INPP4B: variants seen among roughly 807,000 people sequenced by gnomAD.
INPP4B encodes inositol polyphosphate-4-phosphatase type II B.
INPP4B carries 55 observed loss-of-function variants against 122.5 expected under a neutral mutation model. The observed-to-expected ratio is 0.45, with a 90% CI of 0.36 to 0.56. The LOEUF is 0.56. Among genes scored for constraint, INPP4B ranks in the 20% least tolerant of loss-of-function variants. INPP4B has a pLI of 0.00. For synonymous variants in INPP4B, 403 were observed against 388.7 expected, an observed-to-expected ratio of 1.04 and a Z score of -0.43; for missense variants, 1,000 against 1,097.7, an observed-to-expected ratio of 0.91 and a Z score of 1.26.
chr4:142,631,358 C>T (rs1024485167), intron 2 of INPP4B, among the ~76,000 whole-genome samples: 1 of 151,824 alleles, frequency 6.6e-6, no homozygotes, highest in South Asian at 2.1e-4. Context: ...TATTTGGTAA[C>T]CCTGAAAATG....
chr4:142,254,102 C>T (rs187100279), intron 11 of INPP4B, among the ~76,000 whole-genome samples: 6,978 of 152,132 alleles, frequency 0.046, 311 homozygotes, highest in East Asian at 0.2. Context: ...CAGACTGACA[C>T]CTCACACGGC....
chr4:142,596,462 C>G (rs1033037896), intron 2 of INPP4B, among the ~76,000 whole-genome samples: 13 of 152,164 alleles, frequency 8.5e-5, no homozygotes, highest in Non-Finnish European at 1.6e-4. Context: ...TCAGCCCTAG[C>G]TGACCACCAG....
At chr4:142,467,552 T>C (rs1818026792) in intron 2 of INPP4B, among the ~76,000 whole-genome samples, 1 of 152,134 alleles carries the variant, frequency 6.6e-6, no homozygotes, top group Admixed American at 6.6e-5. Flanking sequence ...TTTTGTTTTT[T>C]GTTTTTTCAA....
chr4:142,824,766 G>C (rs1359816476), intron 1 of INPP4B, among the ~76,000 whole-genome samples: 1 of 150,490 alleles, frequency 6.6e-6, no homozygotes, highest in East Asian at 1.9e-4. Context: ...CTACTTTATA[G>C]AAATGAATTT....
chr4:142,518,442 AATT>A (rs1825684199), intron 2 of INPP4B, among the ~76,000 whole-genome samples: 1 of 152,160 alleles, frequency 6.6e-6, no homozygotes, highest in Non-Finnish European at 1.5e-5. Flanking sequence ...CCTGAATTAT[AATT>A]AAGATACAGC....
rs375318951 is a variant in INPP4B at position 142,173,586 on chromosome 4, T to C, written c.1359+46A>G. The C allele has an allele frequency of 4.2e-5, 64 of 1,517,318 alleles. No individual in the cohort carries two copies. In the African/African-American group the frequency reaches 8.2e-4, roughly 19 times the overall value. 94.0% of individuals were successfully genotyped at this position (1,517,318 alleles called of 1,614,324 possible). The stretch of plus-strand genomic sequence containing the variant: ...ATGCAGAAAGCCAGACCAATGGGAA[T>C]TTGAGTATTTCATTTTCCCAACTAT... On this transcript the variant is annotated intron_variant, in intron 16 of 25. Coordinates refer to ENST00000262992, the MANE Select transcript of INPP4B (RefSeq NM_001101669.3).
chr4:142,573,009 GA>G (rs577063172), intron 2 of INPP4B, among the ~76,000 whole-genome samples: 239 of 151,996 alleles, frequency 1.6e-3, no homozygotes, highest in African/African-American at 5.3e-3. Flanking sequence ...TTATGAAGAA[GA>G]GAGGTTAAAT....
At chr4:142,510,446 AAATTT>A (rs1404140293) in intron 2 of INPP4B, among the ~76,000 whole-genome samples, 3 of 152,234 alleles carry the variant, frequency 2.0e-5, no homozygotes, top group Non-Finnish European at 4.4e-5. Flanking sequence ...GAACAAACAT[AAATTT>A]AATTCACTTG....
At chr4:142,585,108 G>A (rs1384405407) in intron 2 of INPP4B, among the ~76,000 whole-genome samples, 2 of 152,098 alleles carry the variant, frequency 1.3e-5, no homozygotes, top group African/African-American at 4.8e-5. Flanking sequence ...TTGTTGTTGT[G>A]TGATATTGGT....
At chr4:142,639,280 A>C (rs536693050) in intron 2 of INPP4B, among the ~76,000 whole-genome samples, 1 of 152,336 alleles carries the variant, frequency 6.6e-6, no homozygotes, top group African/African-American at 2.4e-5. Flanking sequence ...ACCTAATAGA[A>C]TGAGTTAGAA....
intron 18 of INPP4B, among the ~76,000 whole-genome samples, chr4:142,142,059 A>C (rs1579057303): frequency 6.6e-6 from 1 of 152,214 alleles, no homozygotes. Context: ...ATCACTAACA[A>C]ATGATGCTGC....
intron 1 of INPP4B, among the ~76,000 whole-genome samples, chr4:142,813,781 A>G (rs1430064774): frequency 1.3e-5 from 2 of 152,176 alleles, no homozygotes; most frequent in African/African-American, 4.8e-5. Flanking sequence ...TAACTGATGT[A>G]ACCTCTTATC....
At chr4:142,589,236 G>T (rs1449183679) in intron 2 of INPP4B, among the ~76,000 whole-genome samples, 3 of 152,030 alleles carry the variant, frequency 2.0e-5, no homozygotes, top group Admixed American at 6.5e-5. Context: ...CCTTTTATTT[G>T]GTGGTGAGTT....
intron 9 of INPP4B, among the ~76,000 whole-genome samples, chr4:142,291,441 A>G (rs1464924591): frequency 6.6e-6 from 1 of 152,198 alleles, no homozygotes; most frequent in African/African-American, 2.4e-5. Context: ...GGTAATGTAC[A>G]CGGCCATCGA....
chr4:142,094,692 T>C (rs377660027), intron 23 of INPP4B, among the ~76,000 whole-genome samples: 3 of 152,088 alleles, frequency 2.0e-5, no homozygotes, highest in Non-Finnish European at 2.9e-5. Context: ...AGGAATTAAA[T>C]CACAAACTGT....
intron 3 of INPP4B, among the ~76,000 whole-genome samples, chr4:142,445,857 T>C (rs1052673762): frequency 6.6e-6 from 1 of 152,114 alleles, no homozygotes; most frequent in Non-Finnish European, 1.5e-5. Flanking sequence ...CACAAGGAGA[T>C]TGAACTAGAA....
chr4:142,170,888 G>A (rs1051430390), intron 16 of INPP4B, among the ~76,000 whole-genome samples: 6 of 151,738 alleles, frequency 4.0e-5, no homozygotes, highest in African/African-American at 1.5e-4. Flanking sequence ...TCTACCAACA[G>A]TGTTTATTTA....
At chr4:142,838,245 A>G (rs1783056381) in intron 1 of INPP4B, among the ~76,000 whole-genome samples, 1 of 152,106 alleles carries the variant, frequency 6.6e-6, no homozygotes, top group Non-Finnish European at 1.5e-5. Context: ...TAAATATGAT[A>G]TAATTCTAAC....
intron 7 of INPP4B, among the ~76,000 whole-genome samples, chr4:142,339,970 C>A (rs1282366194): frequency 1.3e-5 from 2 of 152,060 alleles, no homozygotes; most frequent in Non-Finnish European, 2.9e-5. Flanking sequence ...AATAGATATA[C>A]CTCAGGGGGC....
Sources: gnomAD v4.1 joint callset for allele counts (sites outside exome capture counted in the v4.1 genomes callset) on GRCh38, gnomAD v4.1.1 for gene constraint, MANE v1.5 for transcripts, NCBI Gene and HGNC (gene_info 2026-07-23, HGNC 2026-07-21) for gene names.